TMEM266: variants seen among roughly 807,000 people sequenced by gnomAD.
TMEM266 encodes the protein Hv1 related protein 1.
Under a neutral mutation model 50.5 loss-of-function variants are expected in TMEM266, and 33 were observed. The observed-to-expected ratio is 0.65, with a 90% confidence interval of 0.50 to 0.87. The LOEUF is 0.87. Among genes scored for constraint, TMEM266 ranks in the 40% least tolerant of loss-of-function variants. The pLI, the probability that TMEM266 is intolerant of heterozygous loss-of-function variation, is 0.00. For synonymous variants in TMEM266, 310 were observed against 292.3 expected (o/e 1.06, Z -0.62); for missense variants, 655 against 695.1 (o/e 0.94, Z 0.65).
At chr15:76,149,092 C>T (rs1457313122) in intron 3 of TMEM266, among the ~76,000 whole-genome samples, 1 of 152,146 alleles carries the variant, frequency 6.6e-6, no homozygotes. Context: ...AAAGGGGAAG[C>T]TTAACAGTGT....
At chr15:76,122,889 A>C (rs2037365313) in intron 1 of TMEM266, among the ~76,000 whole-genome samples, 1 of 152,182 alleles carries the variant, frequency 6.6e-6, no homozygotes, top group African/African-American at 2.4e-5. Flanking sequence ...AAGTGGAAAA[A>C]AGATATTGAG....
intron 9 of TMEM266, among the ~76,000 whole-genome samples, chr15:76,193,401 G>T (rs2038610884): frequency 6.6e-6 from 1 of 152,082 alleles, no homozygotes; most frequent in African/African-American, 2.4e-5. Context: ...TTTTATTTTT[G>T]TAGAGGTGGG....
chr15:76,103,571 G>A (rs1353548180), intron 1 of TMEM266, among the ~76,000 whole-genome samples: 4 of 152,128 alleles, frequency 2.6e-5, no homozygotes, highest in Non-Finnish European at 5.9e-5. Flanking sequence ...GATGTCTGGC[G>A]GGAGTTGGAT....
At chr15:76,172,963 G>A (rs980024612) in intron 7 of TMEM266, among the ~76,000 whole-genome samples, 2 of 152,250 alleles carry the variant, frequency 1.3e-5, no homozygotes, top group South Asian at 2.1e-4. Context: ...CCTTTGTGAC[G>A]CTCTTCCCAG....
At chr15:76,184,603 A>C (rs2038467551) in intron 8 of TMEM266, among the ~76,000 whole-genome samples, 1 of 152,244 alleles carries the variant, frequency 6.6e-6, no homozygotes, top group African/African-American at 2.4e-5. Context: ...AATTACTGCT[A>C]TTGCATTAGA....
At chr15:76,070,377 A>G (rs898461461) in intron 1 of TMEM266, among the ~76,000 whole-genome samples, 1 of 152,236 alleles carries the variant, frequency 6.6e-6, no homozygotes, top group Non-Finnish European at 1.5e-5. Flanking sequence ...ACTGTATCAC[A>G]TGACTACTTC....
intron 9 of TMEM266, among the ~76,000 whole-genome samples, chr15:76,199,535 A>AG (rs977929685): frequency 1.7e-4 from 23 of 138,250 alleles, no homozygotes; most frequent in Admixed American, 9.5e-4. Context: ...CCTGCAGAGA[A>AG]GACCTGGGTG....
At chr15:76,178,330 C>T (rs940186140) in intron 8 of TMEM266, among the ~76,000 whole-genome samples, 1 of 152,040 alleles carries the variant, frequency 6.6e-6, no homozygotes, top group Non-Finnish European at 1.5e-5. Context: ...GAGGGGGCTG[C>T]AGGGAAGTGG....
At chr15:76,142,414 C>A (rs2037694488) in intron 3 of TMEM266, among the ~76,000 whole-genome samples, 2 of 152,150 alleles carry the variant, frequency 1.3e-5, no homozygotes, top group East Asian at 1.9e-4. Context: ...ATAATAATAC[C>A]CTGCTTTCAA....
In TMEM266 at chr15:76,169,890, C is replaced by T. The variant is rs771869828; in HGVS notation, c.513+18C>T. The T allele has an allele frequency of 9.9e-6, 16 of 1,608,170 alleles. No individual in the cohort carries two copies. In the South Asian group the frequency reaches 1.5e-4, roughly 15 times the overall value. On this transcript the variant is annotated intron_variant, in intron 6 of 10. Coordinates refer to ENST00000388942, the MANE Select transcript of TMEM266 (RefSeq NM_152335.3). ...AAATAGAGGTAAAGACCAATGTCCA[C>T]CCCCAAAGCCCCCACTCTGCCATCC... is the stretch of plus-strand genomic sequence containing the variant.
intron 10 of TMEM266, among the ~76,000 whole-genome samples, 196 bp from the exon 11 acceptor site, chr15:76,203,545 C>G (rs2038783955): frequency 6.6e-6 from 1 of 152,200 alleles, no homozygotes; most frequent in Non-Finnish European, 1.5e-5. Flanking sequence ...CAAGATGAGG[C>G]ATAATACCCC....
intron 1 of TMEM266, among the ~76,000 whole-genome samples, chr15:76,084,582 A>G (rs1251179171): frequency 1.3e-5 from 2 of 148,996 alleles, no homozygotes. Flanking sequence ...AGAGCCAGAG[A>G]TGAGGGTTTT....
At chr15:76,202,367 C>T (rs2038762436) in intron 10 of TMEM266, 103 bp downstream of exon 10, 1 of 1,032,772 alleles carries the variant, frequency 9.7e-7, no homozygotes, top group African/African-American at 1.6e-5. Context: ...CACCTGGTGC[C>T]TGTGAACCAT....
intron 7 of TMEM266, 55 bp from the exon 8 acceptor site, chr15:76,175,504 C>G: frequency 7.0e-7 from 1 of 1,431,090 alleles, no homozygotes; most frequent in Non-Finnish European, 9.8e-7. Flanking sequence ...CCGCCCTTCC[C>G]TAGTCCAAGC....
chr15:76,065,900 A>G (rs1298894928), intron 1 of TMEM266, among the ~76,000 whole-genome samples: 1 of 151,810 alleles, frequency 6.6e-6, no homozygotes, highest in Non-Finnish European at 1.5e-5. Flanking sequence ...CTCCCCACTC[A>G]ACCACCCTCA....
At chr15:76,117,944 A>T (rs1394470557) in intron 1 of TMEM266, among the ~76,000 whole-genome samples, 1 of 152,270 alleles carries the variant, frequency 6.6e-6, no homozygotes. Flanking sequence ...AGGATGGCCC[A>T]GGAATCTGCA....
rs2038010228 is a variant in TMEM266 at position 76,161,005 on chromosome 15, G to T, written c.456+837G>T. The stretch of plus-strand genomic sequence containing the variant: ...TGGGAGGAATTGGCTTGGTCCTGCT[G>T]CAGGCAGGGTTTTATCCTGTCCCGT... On this transcript the variant is annotated intron_variant, in intron 5 of 10. Transcript: ENST00000388942. The surrounding 1 kb of genome is among the most constrained non-coding windows in gnomAD (Gnocchi z 4.1). 6.6e-6 allele frequency among the ~76,000 whole-genome samples: 1 copy of T among 152,176 alleles called. No individual in the cohort carries two copies. Among genetic ancestry groups the T allele is most frequent in the South Asian group, 2.1e-4 (1 of 4,828 alleles).
chr15:76,119,009 A>G (rs1383541288), intron 1 of TMEM266, among the ~76,000 whole-genome samples: 1 of 152,194 alleles, frequency 6.6e-6, no homozygotes, highest in Non-Finnish European at 1.5e-5. Context: ...AACCCTCGTC[A>G]TCATGCACAG....
chr15:76,078,282 C>T (rs2036634121), intron 1 of TMEM266, among the ~76,000 whole-genome samples: 1 of 152,054 alleles, frequency 6.6e-6, no homozygotes, highest in South Asian at 2.1e-4. Flanking sequence ...AGTCACAGAG[C>T]AGCTTCCAGG....
Sources: gnomAD v4.1 joint callset for allele counts (sites outside exome capture counted in the v4.1 genomes callset) on GRCh38, gnomAD v4.1.1 for gene constraint, Gnocchi (gnomAD v3.1) non-coding constraint, MANE v1.5 for transcripts, NCBI Gene and HGNC (gene_info 2026-07-23, HGNC 2026-07-21) for gene names.